The following MSN variants were observed in gnomAD, a reference collection of about 807,000 sequenced individuals.
MSN encodes the protein moesin.
MSN carries 2 observed loss-of-function variants against 48.0 expected under a neutral mutation model. That is an observed-to-expected ratio of 0.04 (90% CI 0.02 to 0.13). MSN has a LOEUF of 0.13. Ranked by LOEUF, MSN falls within the 10% of genes least tolerant of loss-of-function variation. MSN has a pLI of 1.00. For synonymous variants in MSN, 146 were observed against 166.9 expected, an observed-to-expected ratio of 0.87 and a Z score of 0.97; for missense variants, 267 against 470.1, an observed-to-expected ratio of 0.57 and a Z score of 3.99.
upstream of MSN, among the ~76,000 whole-genome samples, chrX:65,667,138 C>T (rs1204752507): frequency 8.9e-6 from 1 of 111,925 alleles, no homozygotes; most frequent in African/African-American, 3.2e-5. Context: ...TCCTGTGGAC[C>T]TGAGATCTTC....
At chrX:65,648,192 G>T (rs2070709593) in intron 1 of MSN, among the ~76,000 whole-genome samples, 1 of 111,764 alleles carries the variant, frequency 8.9e-6, no homozygotes, top group African/African-American at 3.2e-5. Context: ...CTCTGGAAGG[G>T]GACAAGTTTG....
chrX:65,615,982 T>G (rs999731053), intron 1 of MSN, among the ~76,000 whole-genome samples: 2 of 111,436 alleles, frequency 1.8e-5, no homozygotes, highest in African/African-American at 6.5e-5. Flanking sequence ...CCATTGCTTG[T>G]TTTTGTCAGG....
At chrX:65,619,893 A>T (rs1300751648) in intron 1 of MSN, among the ~76,000 whole-genome samples, 1 of 109,739 alleles carries the variant, frequency 9.1e-6, no homozygotes, top group East Asian at 2.8e-4. Context: ...TTTGGTGTGG[A>T]TGTCCTTTCT....
chrX:65,741,648 C>A lies in MSN; in HGVS notation c.*1755C>A, dbSNP rs146012514. 3.5e-5 allele frequency: 6 copies of A among 169,092 alleles called. 1 individual carries two copies. The highest frequency in any genetic ancestry group is 8.4e-5 in the East Asian group (1 of 11,924). The allele number at this position is 169,092 out of a possible 1,213,427, so 13.9% of individuals were successfully genotyped here. On this transcript the variant is annotated 3_prime_UTR_variant, in exon 13 of 13. Coordinates refer to ENST00000360270, the MANE Select transcript of MSN (RefSeq NM_002444.3). The stretch of plus-strand genomic sequence containing the variant: ...CTCAATTCCCCCTGGCCACCACCCC[C>A]CACTCTGTGCCTGACCTTGAGGAGT...
intron 1 of MSN, among the ~76,000 whole-genome samples, chrX:65,675,271 G>T (rs2070986093): frequency 9.0e-6 from 1 of 111,591 alleles, no homozygotes; most frequent in South Asian, 3.7e-4. Context: ...ACTTAAAAAC[G>T]GCTTGAGAAA....
intron 1 of MSN, among the ~76,000 whole-genome samples, chrX:65,662,548 A>G (rs1224070829): frequency 8.9e-6 from 1 of 112,560 alleles, no homozygotes; most frequent in Non-Finnish European, 1.9e-5. Flanking sequence ...AGAACTCCCT[A>G]TGTAATAAAA....
chrX:65,737,992 T>C (rs897656311), intron 10 of MSN, among the ~76,000 whole-genome samples: 2 of 112,354 alleles, frequency 1.8e-5, no homozygotes, highest in African/African-American at 6.5e-5. Context: ...TTTGTACTGT[T>C]GGAGGTGGGA....
chrX:65,606,525 C>T (rs1017689717), intron 1 of MSN, among the ~76,000 whole-genome samples: 1 of 111,873 alleles, frequency 8.9e-6, no homozygotes, highest in Non-Finnish European at 1.9e-5. Flanking sequence ...CAGGTTCAAG[C>T]TATTCTCCTG....
intron 1 of MSN, among the ~76,000 whole-genome samples, chrX:65,594,558 A>G (rs2070172948): frequency 9.0e-6 from 1 of 111,363 alleles, no homozygotes; most frequent in Non-Finnish European, 1.9e-5. Flanking sequence ...AGAGAAGCAT[A>G]GAATACCACA....
At chrX:65,621,290 G>C (rs920156162) in intron 1 of MSN, among the ~76,000 whole-genome samples, 1 of 111,759 alleles carries the variant, frequency 8.9e-6, no homozygotes, top group Middle Eastern at 4.2e-3. Context: ...TTTGTACATG[G>C]TGTCAGATAA....
intron 1 of MSN, among the ~76,000 whole-genome samples, chrX:65,599,048 A>C (rs2070209607): frequency 9.0e-6 from 1 of 110,728 alleles, no homozygotes; most frequent in Admixed American, 9.7e-5. Flanking sequence ...GCACTTTGGG[A>C]GGCTGAGGAG....
At chrX:65,629,773 C>T (rs1209456642) in intron 1 of MSN, among the ~76,000 whole-genome samples, 1 of 111,874 alleles carries the variant, frequency 8.9e-6, no homozygotes, top group Non-Finnish European at 1.9e-5. Flanking sequence ...GATTAAATTA[C>T]ACCCCCACCG....
rs2071629608 is a variant in MSN, at chrX:65,732,212, A to G, written c.698+228A>G. 3.6e-5 allele frequency among the ~76,000 whole-genome samples: 4 copies of G among 111,842 alleles called. No individual in the cohort carries two copies. In the Admixed American group the frequency reaches 3.8e-4, roughly 11 times the overall value. ...CACCAGCCACATGGGGCTATTGAAC[A>G]CTTGAAATGTGGCTACTTTGAATTG... On this transcript the variant is annotated intron_variant, in intron 6 of 12. Transcript: ENST00000360270.
intron 1 of MSN, among the ~76,000 whole-genome samples, chrX:65,702,742 G>T (rs1233493955): frequency 9.0e-6 from 1 of 111,731 alleles, no homozygotes; most frequent in Non-Finnish European, 1.9e-5. Flanking sequence ...GGAGGTCCCA[G>T]TGGGTTGTGT....
intron 1 of MSN, among the ~76,000 whole-genome samples, chrX:65,649,265 A>G (rs938656663): frequency 9.7e-6 from 1 of 103,447 alleles, no homozygotes; most frequent in Non-Finnish European, 2.0e-5. Flanking sequence ...ATATGTATAT[A>G]TATATATATA....
intron 1 of MSN, among the ~76,000 whole-genome samples, chrX:65,639,782 T>A (rs993757183): frequency 1.8e-5 from 2 of 111,748 alleles, no homozygotes; most frequent in Non-Finnish European, 3.8e-5. Flanking sequence ...GAGTAGAAAT[T>A]TAAGAGCTTC....
At chrX:65,631,274 A>C (rs2070555703) in intron 1 of MSN, among the ~76,000 whole-genome samples, 1 of 109,578 alleles carries the variant, frequency 9.1e-6, no homozygotes, top group South Asian at 3.9e-4. Context: ...TTGTTTTTTT[A>C]GTAGAGATGG....
intron 1 of MSN, among the ~76,000 whole-genome samples, chrX:65,656,185 A>C (rs2070779619): frequency 1.8e-5 from 2 of 111,394 alleles, no homozygotes; most frequent in African/African-American, 6.5e-5. Context: ...ATTGCAGTGA[A>C]TGTCTTTGTA....
At chrX:65,603,274 G>A (rs1200665892) in intron 1 of MSN, among the ~76,000 whole-genome samples, 3 of 112,038 alleles carry the variant, frequency 2.7e-5, no homozygotes, top group Admixed American at 9.5e-5. Flanking sequence ...AGCCTATAGT[G>A]TGACAAGAGC....
Sources: allele counts gnomAD v4.1 joint callset (sites outside exome capture counted in the v4.1 genomes callset), GRCh38; gene constraint gnomAD v4.1.1; transcripts MANE v1.5; gene names NCBI Gene and HGNC (gene_info 2026-07-23, HGNC 2026-07-21).